Variants in PCBP3 observed in about 807,000 individuals in gnomAD.
PCBP3 encodes the protein poly(rC) binding protein 3, also known as poly(rC)-binding protein 3.
PCBP3 carries 25 observed loss-of-function variants against 52.7 expected under a neutral mutation model. The ratio of observed to expected loss-of-function variants is 0.47; its 90% confidence interval spans 0.35 to 0.66. The LOEUF is 0.66. PCBP3 is among the 30% of genes least tolerant of loss of function. The pLI is 0.01. For synonymous variants in PCBP3, 162 were observed against 183.0 expected (o/e 0.89, Z 0.93); for missense variants, 391 against 490.3 (o/e 0.80, Z 1.91).
intron 4 of PCBP3, among the ~76,000 whole-genome samples, chr21:45,795,717 A>G (rs531308745): frequency 1.3e-5 from 2 of 152,358 alleles, no homozygotes; most frequent in African/African-American, 4.8e-5. Flanking sequence ...TAAAGTAGGA[A>G]AAATGAATGA....
At position 45,850,193 on chromosome 21, in the gene PCBP3, A is replaced by G; in HGVS notation, c.10+98A>G. On this transcript the variant is annotated intron_variant, in intron 5 of 17. Coordinates refer to ENST00000681687, the MANE Select transcript of PCBP3 (RefSeq NM_001384156.1). The stretch of plus-strand genomic sequence containing the variant: ...TGACAAATGAAATCTGTTTGAAGTG[A>G]CACAGTGCTGTATTTCACCCTGCTT... 3.1e-6 allele frequency: 3 copies of G among 972,678 alleles called. No homozygotes were observed. The Admixed American group carries it at 6.0e-5, about 19-fold the overall frequency. The allele number at this position is 972,678 out of a possible 1,614,324, so 60.3% of individuals were successfully genotyped here.
intron 3 of PCBP3, among the ~76,000 whole-genome samples, chr21:45,742,731 A>G (rs2086546009): frequency 6.6e-6 from 1 of 152,220 alleles, no homozygotes; most frequent in Non-Finnish European, 1.5e-5. Context: ...CTTTTTATGT[A>G]TGTGTACCAC....
At position 45,910,917 on chromosome 21, in the gene PCBP3, G is replaced by A. The variant is rs2096376454; in HGVS notation, c.487G>A (p.Val163Met). The change falls in exon 11 of 18, where the codon GTG becomes ATG. Residue 163 changes from valine (V) to methionine (M), a missense_variant. By Grantham distance (21) the Val-to-Met change is conservative. Coordinates refer to ENST00000681687, the MANE Select transcript of PCBP3 (RefSeq NM_001384156.1). ...KEIRESTGAQ[V>M]QVAGDMLPNS... is the part of the protein sequence containing the mutation. ...CTCTCTCCAGTCCACAGGTGCCCAG[G>A]TGCAGGTGGCTGGGGACATGCTGCC... The A allele has an allele frequency of 1.9e-6, 3 of 1,608,642 alleles. No individual in the cohort carries two copies. The highest frequency in any genetic ancestry group is 1.7e-6 in the Non-Finnish European group (2 of 1,178,560).
At chr21:45,685,511 T>C (rs2147652902) in intron 2 of PCBP3, among the ~76,000 whole-genome samples, 1 of 152,360 alleles carries the variant, frequency 6.6e-6, no homozygotes, top group South Asian at 2.1e-4. Context: ...CTTATCCTTC[T>C]GTTGTGAACA....
intron 4 of PCBP3, chr21:45,763,393 T>C (rs896891959): frequency 6.6e-6 from 1 of 152,480 alleles, no homozygotes; most frequent in African/African-American, 2.4e-5. Context: ...TTCTCAGCTG[T>C]AGGGCTCAGG....
intron 5 of PCBP3, among the ~76,000 whole-genome samples, chr21:45,874,664 G>A (rs1335484176): frequency 2.6e-5 from 4 of 151,960 alleles, no homozygotes; most frequent in South Asian, 2.1e-4. Context: ...TTGCCACCAC[G>A]CCCGGCTACT....
chr21:45,743,781 T>G (rs2086624984), intron 3 of PCBP3, among the ~76,000 whole-genome samples: 1 of 152,154 alleles, frequency 6.6e-6, no homozygotes, highest in Non-Finnish European at 1.5e-5. Context: ...TTTTCTAATT[T>G]TTATATGATT....
intron 5 of PCBP3, among the ~76,000 whole-genome samples, chr21:45,891,697 A>C (rs1183680322): frequency 6.6e-6 from 1 of 152,182 alleles, no homozygotes; most frequent in Non-Finnish European, 1.5e-5. Flanking sequence ...AAGTATGTGC[A>C]GCCTATTAAC....
intron 4 of PCBP3, among the ~76,000 whole-genome samples, chr21:45,846,527 C>T (rs926258375): frequency 2.0e-5 from 3 of 152,028 alleles, no homozygotes; most frequent in Non-Finnish European, 4.4e-5. Context: ...TAAGACCTAC[C>T]TCCTGTTACT....
At chr21:45,824,258 C>G (rs1250108097) in intron 4 of PCBP3, among the ~76,000 whole-genome samples, 1 of 152,224 alleles carries the variant, frequency 6.6e-6, no homozygotes, top group Non-Finnish European at 1.5e-5. Flanking sequence ...TCACTGCCCT[C>G]AGGTGCAAGT....
chr21:45,807,754 C>T lies in PCBP3; in HGVS notation c.-125-42207C>T, dbSNP rs539014518. Reference sequence around the variant, plus strand: ...CAATTCTAAGCAAAAAAAACAAAAACAAAACAAAAAAAAAACCTGGAGGCA... The same window carrying T: ...CAATTCTAAGCAAAAAAAACAAAAATAAAACAAAAAAAAAACCTGGAGGCA... On this transcript the variant is annotated intron_variant, in intron 4 of 17. Transcript: ENST00000681687. Among the ~76,000 whole-genome samples the T allele has an allele frequency of 7.0e-3, 1,048 of 149,546 alleles. 12 individuals are homozygous for T. The highest frequency in any genetic ancestry group is 0.024 in the African/African-American group (987 of 40,356).
intron 5 of PCBP3, among the ~76,000 whole-genome samples, chr21:45,852,719 A>G (rs908408444): frequency 6.6e-6 from 1 of 152,236 alleles, no homozygotes; most frequent in African/African-American, 2.4e-5. Context: ...ATTTTTGTTC[A>G]GAAGGAACAC....
Position 45,880,921 on chromosome 21 carries a change from G to C in PCBP3, c.11-15287G>C, listed in dbSNP as rs1204574097. On this transcript the variant is annotated intron_variant, in intron 5 of 17. Transcript: ENST00000681687. This position sits in a 1 kb window ranked among gnomAD's most constrained non-coding sequence, Gnocchi z 5.4. ...GGTTAAACAGCACAGCAGTGGGAAG[G>C]TACCCAGGGGCTTCAGCACGGGGTG... is the stretch of plus-strand genomic sequence containing the variant. 1.3e-5 allele frequency among the ~76,000 whole-genome samples: 2 copies of C among 152,148 alleles called. No homozygotes were observed. Among genetic ancestry groups the C allele is most frequent in the Non-Finnish European group, 2.9e-5 (2 of 68,024 alleles).
intron 4 of PCBP3, among the ~76,000 whole-genome samples, chr21:45,813,512 G>A (rs1417087951): frequency 6.6e-6 from 1 of 152,174 alleles, no homozygotes; most frequent in Non-Finnish European, 1.5e-5. Flanking sequence ...CACGATCTCA[G>A]CTCACTGCAA....
chr21:45,703,249 C>T (rs943180092), intron 2 of PCBP3, among the ~76,000 whole-genome samples: 8 of 152,200 alleles, frequency 5.3e-5, no homozygotes, highest in South Asian at 2.1e-4. Context: ...ACATCGAGAA[C>T]GGTGAATGCC....
intron 2 of PCBP3, among the ~76,000 whole-genome samples, chr21:45,729,888 G>C (rs1028419630): frequency 4.6e-5 from 7 of 151,920 alleles, no homozygotes; most frequent in Non-Finnish European, 1.0e-4. Flanking sequence ...CAAGTAGCTA[G>C]GATTACAGGG....
intron 4 of PCBP3, among the ~76,000 whole-genome samples, chr21:45,798,159 A>G (rs77022047): frequency 1.3e-5 from 1 of 74,166 alleles, no homozygotes; most frequent in African/African-American, 5.4e-5. Context: ...GGATGGACGA[A>G]TGCATGGATC....
At chr21:45,843,321 A>G (rs2093737470) in intron 4 of PCBP3, among the ~76,000 whole-genome samples, 1 of 152,220 alleles carries the variant, frequency 6.6e-6, no homozygotes, top group African/African-American at 2.4e-5. Context: ...TTCTTGATTA[A>G]TCTCATCAGA....
At chr21:45,897,947 G>C (rs936139841) in intron 6 of PCBP3, among the ~76,000 whole-genome samples, 2 of 152,160 alleles carry the variant, frequency 1.3e-5, no homozygotes, top group South Asian at 4.1e-4. Context: ...GTATCTGTGC[G>C]TGGCCTCCCG....
Sources: gnomAD v4.1 joint callset for allele counts (sites outside exome capture counted in the v4.1 genomes callset) on GRCh38, gnomAD v4.1.1 for gene constraint, Gnocchi (gnomAD v3.1) non-coding constraint, MANE v1.5 for transcripts, NCBI Gene and HGNC (gene_info 2026-07-23, HGNC 2026-07-21) for gene names.